The following CD72 variants were observed in gnomAD, a reference collection of about 807,000 sequenced individuals.
CD72 encodes the protein B-cell differentiation antigen CD72.
CD72 carries 28 observed loss-of-function variants against 50.7 expected under a neutral mutation model. The observed-to-expected ratio is 0.55, with a 90% CI of 0.41 to 0.76. The LOEUF (loss-of-function observed/expected upper bound fraction) is 0.76, where lower values mean the gene tolerates loss of function less well. CD72 is among the 30% of genes least tolerant of loss of function. The probability of loss-of-function intolerance (pLI) is 0.00; values close to 1 mark genes in which losing one functional copy is unlikely to be tolerated. For synonymous variants in CD72, 176 were observed against 171.2 expected, an observed-to-expected ratio of 1.03 and a Z score of -0.22; for missense variants, 403 against 420.6, an observed-to-expected ratio of 0.96 and a Z score of 0.37.
chr9:35,622,930 G>T (rs1823158901), upstream of CD72, among the ~76,000 whole-genome samples: 1 of 152,028 alleles, frequency 6.6e-6, no homozygotes, highest in Non-Finnish European at 1.5e-5. Context: ...AACACAGCGA[G>T]ACTCCATCTC....
At chr9:35,636,214 C>A (rs1184900905) in intron 1 of CD72, among the ~76,000 whole-genome samples, 1 of 152,094 alleles carries the variant, frequency 6.6e-6, no homozygotes, top group East Asian at 1.9e-4. Context: ...TTGTGAAAAC[C>A]AAAAATGTTT....
At chr9:35,623,413 G>C (rs767477815), upstream of CD72, among the ~76,000 whole-genome samples, 30 of 152,316 alleles carry the variant, frequency 2.0e-4, no homozygotes, top group Non-Finnish European at 3.7e-4. Flanking sequence ...ACATAGAACT[G>C]TAGCCCCCTT....
At chr9:35,645,193 C>T (rs1310137816) in intron 1 of CD72, among the ~76,000 whole-genome samples, 1 of 135,622 alleles carries the variant, frequency 7.4e-6, no homozygotes, top group Non-Finnish European at 1.6e-5. Context: ...GAGCGAAACT[C>T]CGTCTCAAAA....
intron 1 of CD72, among the ~76,000 whole-genome samples, chr9:35,635,387 A>G (rs1181815988): frequency 1.3e-5 from 2 of 152,080 alleles, no homozygotes; most frequent in East Asian, 1.9e-4. Flanking sequence ...TTGCAATTCT[A>G]TATTTTTGTG....
At chr9:35,623,283 A>C (rs902651913), upstream of CD72, among the ~76,000 whole-genome samples, 2 of 152,206 alleles carry the variant, frequency 1.3e-5, no homozygotes, top group African/African-American at 4.8e-5. Flanking sequence ...TTTACACTTG[A>C]AGGGATCTTA....
upstream of CD72, chr9:35,618,526 G>A (rs10814260): frequency 0.21 from 231,951 of 1,089,282 alleles, 25,616 homozygotes; most frequent in East Asian, 0.39. Flanking sequence ...GGGCCAGAGG[G>A]GCCACGGAGG....
chr9:35,611,709 T>G (rs1384072924), intron 7 of CD72, 95 bp downstream of exon 7: 1 of 719,796 alleles, frequency 1.4e-6, no homozygotes, highest in Non-Finnish European at 2.5e-6. Flanking sequence ...TATGGGAGAG[T>G]CCTGAGGGGA....
At chr9:35,632,579 C>CTT (rs72487368) in intron 1 of CD72, among the ~76,000 whole-genome samples, 1 of 140,066 alleles carries the variant, frequency 7.1e-6, no homozygotes, top group Admixed American at 7.2e-5. Context: ...ATTTTATTAG[C>CTT]TTTTTTTTTT....
At chr9:35,623,131 TA>T (rs772227937), upstream of CD72, among the ~76,000 whole-genome samples, 9 of 151,622 alleles carry the variant, frequency 5.9e-5, no homozygotes, top group East Asian at 3.9e-4. Context: ...AAAATTAAAA[TA>T]AAAAAAAGAT....
intron 7 of CD72, 103 bp from the exon 8 acceptor site, chr9:35,610,856 T>A (rs895664432): frequency 4.5e-6 from 4 of 890,182 alleles, no homozygotes; most frequent in Non-Finnish European, 7.1e-6. Flanking sequence ...TCACCCTGCC[T>A]GCCTAAGGCC....
At chr9:35,612,528 T>C (rs1823001915) in intron 6 of CD72, among the ~76,000 whole-genome samples, 1 of 151,662 alleles carries the variant, frequency 6.6e-6, no homozygotes, top group Non-Finnish European at 1.5e-5. Context: ...GAGGTTGCAG[T>C]GAGCTGAGAT....
chr9:35,628,823 C>T (rs1823219066), intron 1 of CD72, among the ~76,000 whole-genome samples: 1 of 152,214 alleles, frequency 6.6e-6, no homozygotes, highest in Non-Finnish European at 1.5e-5. Flanking sequence ...CTCAGAGTTC[C>T]CCACTGGTTT....
At chr9:35,610,859 C>G (rs1822969981) in intron 7 of CD72, 106 bp from the exon 8 acceptor site, 1 of 853,256 alleles carries the variant, frequency 1.2e-6, no homozygotes, top group African/African-American at 1.7e-5. Flanking sequence ...CCCTGCCTGC[C>G]TAAGGCCACA....
chr9:35,613,384 C>G (rs1823016031), intron 5 of CD72, among the ~76,000 whole-genome samples: 1 of 152,146 alleles, frequency 6.6e-6, no homozygotes, highest in African/African-American at 2.4e-5. Context: ...CTCCAATTTC[C>G]TACAAGCAGA....
intron 8 of CD72, 39 bp from the exon 9 acceptor site, chr9:35,610,339 TAACTG>T (rs1015091471): frequency 3.7e-5 from 13 of 348,656 alleles, no homozygotes; most frequent in South Asian, 5.5e-5. Flanking sequence ...ATGGTTGACT[TAACTG>T]AACCCTCATC....
At chr9:35,619,359 C>T (rs1041974759), upstream of CD72, among the ~76,000 whole-genome samples, 2 of 152,080 alleles carry the variant, frequency 1.3e-5, no homozygotes, top group Non-Finnish European at 2.9e-5. Flanking sequence ...TACTAGGAAC[C>T]CCAAAATGGC....
intron 1 of CD72, among the ~76,000 whole-genome samples, chr9:35,632,237 G>A (rs1171466696): frequency 1.3e-5 from 2 of 151,260 alleles, no homozygotes; most frequent in African/African-American, 4.9e-5. Context: ...GAGTGCAGTG[G>A]CGCGATCTCG....
At position 35,612,838 on chromosome 9, in the gene CD72, A is replaced by G; in HGVS notation, c.834+10T>C. On this transcript the variant is annotated intron_variant, in intron 6 of 8. Transcript: ENST00000259633. The stretch of plus-strand genomic sequence containing the variant: ...TACCCACTGCAGTCTGTGAGTAAGG[A>G]TATGCTTACTGATTGTGGATAAATT... 1 of 1,613,778 alleles carries G rather than the reference A, an allele frequency of 6.2e-7. No homozygotes were observed.
In CD72 at chr9:35,634,128, ATTG is replaced by A. The variant is rs573121641; in HGVS notation, n.408+12272_408+12274del. Among the ~76,000 whole-genome samples, 136 of 152,128 alleles carry A rather than the reference ATTG, an allele frequency of 8.9e-4. 1 individual carries two copies. The highest frequency in any genetic ancestry group is 3.1e-3 in the African/African-American group (130 of 41,510). On this transcript the variant is annotated intron_variant and non_coding_transcript_variant, in intron 1 of 3. Transcript: ENST00000465754. ...CTTACTTGTTTTAAAGTTTTTTTATATTGTTGTTAACTCTTCTTTTTTTTAATC... is the reference window on the plus strand; with the variant it reads ...CTTACTTGTTTTAAAGTTTTTTTATATTGTTAACTCTTCTTTTTTTTAATC...
Sources: gnomAD v4.1 joint callset for allele counts (sites outside exome capture counted in the v4.1 genomes callset) on GRCh38, gnomAD v4.1.1 for gene constraint, MANE v1.5 for transcripts, NCBI Gene and HGNC (gene_info 2026-07-23, HGNC 2026-07-21) for gene names.